CERS6: variants seen among roughly 807,000 people sequenced by gnomAD.
The protein encoded by CERS6 is LAG1 homolog, ceramide synthase 6.
In CERS6, 26 loss-of-function variants were observed where a neutral mutation model predicts 56.8. That is an observed-to-expected ratio of 0.46 (90% CI 0.34 to 0.63). The LOEUF (loss-of-function observed/expected upper bound fraction) is 0.63. Among genes scored for constraint, CERS6 ranks in the 30% least tolerant of loss-of-function variants. The pLI is 0.01. For synonymous variants in CERS6, 164 were observed against 173.3 expected (o/e 0.95, Z 0.42); for missense variants, 415 against 467.5 (o/e 0.89, Z 1.04).
In CERS6 at chr2:168,590,336, T is replaced by C. The variant is rs1009157755; in HGVS notation, c.407+29014T>C. Among the ~76,000 whole-genome samples, 14 of 152,232 alleles carry C rather than the reference T, an allele frequency of 9.2e-5. 1 individual carries two copies. Among genetic ancestry groups the C allele is most frequent in the Admixed American group, 4.6e-4 (7 of 15,292 alleles). On this transcript the variant is annotated intron_variant, in intron 3 of 9. Coordinates refer to ENST00000305747, the MANE Select transcript of CERS6 (RefSeq NM_203463.3). ...AACAAATTTAAATTAGGCTATCATA[T>C]AAACGATGTTATCAGAGAAAAATTA... is the stretch of plus-strand genomic sequence containing the variant.
At chr2:168,474,633 A>G (rs1285884295) in intron 1 of CERS6, among the ~76,000 whole-genome samples, 3 of 148,556 alleles carry the variant, frequency 2.0e-5, no homozygotes, top group Non-Finnish European at 4.6e-5. Context: ...ATACCATAAC[A>G]AGACATTTTG....
chr2:168,618,108 A>G (rs143261319), intron 3 of CERS6, among the ~76,000 whole-genome samples: 202 of 152,358 alleles, frequency 1.3e-3, no homozygotes, highest in African/African-American at 4.5e-3. Context: ...GATACAACAC[A>G]TAAACAGAAT....
intron 3 of CERS6, among the ~76,000 whole-genome samples, chr2:168,587,207 A>G (rs1233633822): frequency 6.6e-6 from 1 of 152,180 alleles, no homozygotes; most frequent in African/African-American, 2.4e-5. Flanking sequence ...AAAATAAAAT[A>G]TAAAGTAAAA....
intron 8 of CERS6, among the ~76,000 whole-genome samples, chr2:168,749,394 G>A (rs1433754254): frequency 6.6e-6 from 1 of 152,172 alleles, no homozygotes; most frequent in African/African-American, 2.4e-5. Context: ...ATATAGGCAG[G>A]TCCTTTTCCC....
chr2:168,579,703 T>C (rs1340920418), intron 3 of CERS6, among the ~76,000 whole-genome samples: 1 of 152,196 alleles, frequency 6.6e-6, no homozygotes, highest in Non-Finnish European at 1.5e-5. Context: ...CCGTCTCTGC[T>C]GTGCTCTGGA....
intron 8 of CERS6, among the ~76,000 whole-genome samples, chr2:168,764,741 A>G (rs1050728417): frequency 2.0e-5 from 3 of 152,184 alleles, no homozygotes; most frequent in African/African-American, 7.2e-5. Context: ...TTAAAGCCCA[A>G]AAGCAACTTC....
At chr2:168,623,136 A>T (rs1038842222) in intron 3 of CERS6, among the ~76,000 whole-genome samples, 4 of 152,204 alleles carry the variant, frequency 2.6e-5, no homozygotes, top group African/African-American at 9.7e-5. Flanking sequence ...CAACTTTTTA[A>T]CAGTGTTTAC....
chr2:168,720,094 ATT>A (rs758972547), intron 8 of CERS6, among the ~76,000 whole-genome samples: 7 of 140,490 alleles, frequency 5.0e-5, no homozygotes, highest in Non-Finnish European at 7.8e-5. Flanking sequence ...GACCGGTCTA[ATT>A]TTTTTTTTTT....
chr2:168,645,308 G>T (rs1291510726), intron 4 of CERS6, among the ~76,000 whole-genome samples: 2 of 149,746 alleles, frequency 1.3e-5, no homozygotes, highest in Non-Finnish European at 1.5e-5. Context: ...AAACTGTGGG[G>T]TTTTTTGTGA....
intron 1 of CERS6, among the ~76,000 whole-genome samples, chr2:168,534,684 G>A (rs117210827): frequency 1.3e-5 from 2 of 152,288 alleles, no homozygotes; most frequent in East Asian, 3.9e-4. Flanking sequence ...GACAACCCCT[G>A]TTGGACGGTC....
intron 1 of CERS6, among the ~76,000 whole-genome samples, chr2:168,463,952 G>A (rs1402803511): frequency 6.6e-6 from 1 of 152,026 alleles, no homozygotes; most frequent in African/African-American, 2.4e-5. Context: ...AAATGTTACT[G>A]TTATAATGTG....
At chr2:168,500,501 A>G (rs916170550) in intron 1 of CERS6, among the ~76,000 whole-genome samples, 1 of 152,224 alleles carries the variant, frequency 6.6e-6, no homozygotes, top group African/African-American at 2.4e-5. Context: ...GACATATCCA[A>G]CAATCCAGTG....
intron 8 of CERS6, among the ~76,000 whole-genome samples, chr2:168,760,122 A>G (rs918409992): frequency 2.6e-5 from 4 of 152,174 alleles, no homozygotes; most frequent in African/African-American, 4.8e-5. Context: ...TCCCTCAAAG[A>G]CAACCACTGT....
chr2:168,743,987 T>TC (rs1684009042), intron 8 of CERS6, among the ~76,000 whole-genome samples: 1 of 116,598 alleles, frequency 8.6e-6, no homozygotes. Flanking sequence ...TTCTTTTTTC[T>TC]TTTTTTTCTT....
At chr2:168,473,673 T>A (rs1226152106) in intron 1 of CERS6, among the ~76,000 whole-genome samples, 1 of 152,146 alleles carries the variant, frequency 6.6e-6, no homozygotes, top group African/African-American at 2.4e-5. Flanking sequence ...ACAGTTATTT[T>A]AAAAATTACT....
chr2:168,754,921 A>C (rs1353645682), intron 8 of CERS6, among the ~76,000 whole-genome samples: 1 of 152,102 alleles, frequency 6.6e-6, no homozygotes, highest in Non-Finnish European at 1.5e-5. Context: ...GACTACAGGC[A>C]TGTGCTGTCA....
rs190812192 is a variant in CERS6, at chr2:168,535,080, A to G, written c.171-12516A>G. 2.7e-3 allele frequency among the ~76,000 whole-genome samples: 405 copies of G among 152,336 alleles called. 1 individual carries two copies. The highest frequency in any genetic ancestry group is 9.2e-3 in the African/African-American group (381 of 41,588). The stretch of plus-strand genomic sequence containing the variant: ...AGCCTCCCTGGCTCCAGCAGGGGAA[A>G]AGCATGGCCTGGAGCTATAGTGATA... On this transcript the variant is annotated intron_variant, in intron 1 of 9. Transcript: ENST00000305747.
At chr2:168,541,595 T>A (rs1220083505) in intron 1 of CERS6, among the ~76,000 whole-genome samples, 1 of 152,186 alleles carries the variant, frequency 6.6e-6, no homozygotes, top group Admixed American at 6.5e-5. Flanking sequence ...AGATTATGTA[T>A]CCTGGGCATG....
intron 1 of CERS6, among the ~76,000 whole-genome samples, chr2:168,475,855 T>A (rs1180252293): frequency 1.3e-5 from 2 of 152,182 alleles, no homozygotes; most frequent in Non-Finnish European, 2.9e-5. Context: ...GTGTTTGGTC[T>A]TGCAACATGG....
Sources: allele counts gnomAD v4.1 joint callset (sites outside exome capture counted in the v4.1 genomes callset), GRCh38; gene constraint gnomAD v4.1.1; transcripts MANE v1.5; gene names NCBI Gene and HGNC (gene_info 2026-07-23, HGNC 2026-07-21).